The following MAP4K4 variants were observed in gnomAD, a reference collection of about 807,000 sequenced individuals.
MAP4K4 encodes the protein HPK/GCK-like kinase HGK.
Under a neutral mutation model 189.6 loss-of-function variants are expected in MAP4K4, and 38 were observed. The observed-to-expected ratio is 0.20, with a 90% CI of 0.15 to 0.26. The LOEUF (loss-of-function observed/expected upper bound fraction) is 0.26, where lower values mean the gene tolerates loss of function less well. MAP4K4 is among the 10% of genes least tolerant of loss of function. The probability of loss-of-function intolerance (pLI) is 1.00; values close to 1 mark genes in which losing one functional copy is unlikely to be tolerated. For missense variants in MAP4K4, 1,054 were observed against 1,726.9 expected, an observed-to-expected ratio of 0.61 and a Z score of 6.91; for synonymous variants, 610 against 624.3, an observed-to-expected ratio of 0.98 and a Z score of 0.34.
At chr2:101,756,268 A>G (rs2072734503) in intron 2 of MAP4K4, among the ~76,000 whole-genome samples, 1 of 152,060 alleles carries the variant, frequency 6.6e-6, no homozygotes, top group Non-Finnish European at 1.5e-5. Context: ...TAATGAAGTC[A>G]TAGGATCCAA....
chr2:101,725,275 G>A (rs924057863), intron 2 of MAP4K4, among the ~76,000 whole-genome samples: 1 of 151,956 alleles, frequency 6.6e-6, no homozygotes, highest in African/African-American at 2.4e-5. Context: ...AGATGAAATA[G>A]ATGTAGCCAT....
At chr2:101,823,864 T>TG in intron 3 of MAP4K4, 64 bp from the exon 4 acceptor site, 1 of 1,373,648 alleles carries the variant, frequency 7.3e-7, no homozygotes, top group Admixed American at 2.1e-5. Flanking sequence ...GTATGTAGTG[T>TG]GGGGGAAGTA....
chr2:101,758,821 T>C (rs533031427), intron 2 of MAP4K4, among the ~76,000 whole-genome samples: 156 of 152,298 alleles, frequency 1.0e-3, no homozygotes, highest in Non-Finnish European at 1.6e-3. Flanking sequence ...TGATCTCTTA[T>C]GGATGTTCGC....
At position 101,844,155 on chromosome 2, in the gene MAP4K4, G is replaced by A. The variant is rs777009164; in HGVS notation, c.1077G>A (p.Leu359=). 8 of 1,612,760 alleles carry A rather than the reference G, an allele frequency of 5.0e-6. No homozygotes were observed. In the East Asian group the frequency reaches 1.8e-4, roughly 36 times the overall value. ...CTCTTCGCCGAGATTTCCTGAGACT[G>A]CAGCAGGAGAACAAGGAACGTTCCG... The change falls in exon 12 of 33, where the codon CTG becomes CTA. Residue 359 remains leucine, a synonymous_variant. Coordinates refer to ENST00000324219, the Ensembl canonical transcript of MAP4K4.
rs201341489 is a variant in MAP4K4, at chr2:101,747,696, C to G, written c.124-43024C>G. 2.0e-5 allele frequency among the ~76,000 whole-genome samples: 3 copies of G among 152,256 alleles called. No individual in the cohort carries two copies. The East Asian group carries it at 5.8e-4, about 29-fold the overall frequency. On this transcript the variant is annotated intron_variant, in intron 2 of 32. Coordinates refer to ENST00000324219, the Ensembl canonical transcript of MAP4K4. The stretch of plus-strand genomic sequence containing the variant: ...CTTCCAAGGTTTTTTTCCCTGCCCC[C>G]CCTTCTTAGCTTTGGATAGAGATTA...
chr2:101,727,193 A>G (rs940046165), intron 2 of MAP4K4, among the ~76,000 whole-genome samples: 4 of 152,178 alleles, frequency 2.6e-5, no homozygotes, highest in African/African-American at 4.8e-5. Flanking sequence ...ACACCCTCTC[A>G]TAGCTTTCTG....
chr2:101,843,600 A>G (rs1279800036), intron 11 of MAP4K4, among the ~76,000 whole-genome samples: 2 of 152,098 alleles, frequency 1.3e-5, no homozygotes, highest in Non-Finnish European at 1.5e-5. Flanking sequence ...GGTGTGTTTA[A>G]TTGATCTGTG....
At chr2:101,707,992 C>T (rs1041645602) in intron 2 of MAP4K4, among the ~76,000 whole-genome samples, 5 of 151,592 alleles carry the variant, frequency 3.3e-5, no homozygotes, top group African/African-American at 7.3e-5. Context: ...TGAGCCATCG[C>T]GCCCAGCCCA....
chr2:101,842,646 A>G, exon 11 of MAP4K4: 3 of 1,608,902 alleles, frequency 1.9e-6, no homozygotes, highest in Non-Finnish European at 2.5e-6. Context: ...GTGAGGAAGA[A>G]GAGGAGGAAG....
chr2:101,791,860 G>A (rs144161679), intron 3 of MAP4K4, among the ~76,000 whole-genome samples: 1 of 152,228 alleles, frequency 6.6e-6, no homozygotes, highest in East Asian at 1.9e-4. Context: ...ATTTTATGAG[G>A]TGACCACTCT....
chr2:101,709,455 G>A (rs2044197530), intron 2 of MAP4K4, among the ~76,000 whole-genome samples: 1 of 152,122 alleles, frequency 6.6e-6, no homozygotes, highest in Non-Finnish European at 1.5e-5. Context: ...TGCCCGCCTC[G>A]GCCTCCCAAA....
intron 2 of MAP4K4, among the ~76,000 whole-genome samples, chr2:101,732,862 C>T (rs1208856301): frequency 1.3e-5 from 2 of 152,272 alleles, no homozygotes; most frequent in African/African-American, 4.8e-5. Flanking sequence ...GTTGGGATTA[C>T]AGGCGTGAGC....
intron 2 of MAP4K4, among the ~76,000 whole-genome samples, chr2:101,717,510 G>A (rs972150473): frequency 6.6e-6 from 1 of 152,256 alleles, no homozygotes; most frequent in East Asian, 1.9e-4. Flanking sequence ...TTTGTGTCGG[G>A]AAAAGAACAA....
chr2:101,698,200 C>T, intron 1 of MAP4K4, 63 bp downstream of exon 1: 1 of 564,194 alleles, frequency 1.8e-6, no homozygotes. Flanking sequence ...GCCGGGGCCG[C>T]GCCCAGGTCG....
chr2:101,860,854 C>T (rs1359623991), exon 16 of MAP4K4: 5 of 1,608,960 alleles, frequency 3.1e-6, no homozygotes, highest in Non-Finnish European at 4.2e-6. Flanking sequence ...AAACTAACCA[C>T]AGCTCCCCTG....
chr2:101,739,594 G>C (rs567370448), intron 2 of MAP4K4, among the ~76,000 whole-genome samples: 1 of 152,096 alleles, frequency 6.6e-6, no homozygotes, highest in Non-Finnish European at 1.5e-5. Context: ...GGGCTTATTG[G>C]ATATATTTAC....
chr2:101,846,417 T>G (rs969718247), intron 12 of MAP4K4, among the ~76,000 whole-genome samples: 1 of 152,280 alleles, frequency 6.6e-6, no homozygotes, highest in African/African-American at 2.4e-5. Context: ...ACTTTGGTGG[T>G]TTATAACTTG....
intron 9 of MAP4K4, among the ~76,000 whole-genome samples, chr2:101,837,587 G>T (rs370722656): frequency 6.6e-6 from 1 of 152,044 alleles, no homozygotes; most frequent in African/African-American, 2.4e-5. Context: ...GGGTGGCCAC[G>T]CCTAGGGAAA....
intron 2 of MAP4K4, among the ~76,000 whole-genome samples, chr2:101,721,231 T>G (rs1281467509): frequency 6.6e-6 from 1 of 152,124 alleles, no homozygotes; most frequent in Non-Finnish European, 1.5e-5. Context: ...AGATAATCCC[T>G]TAAGGCAGAC....
Sources: allele counts gnomAD v4.1 joint callset (sites outside exome capture counted in the v4.1 genomes callset), GRCh38; gene constraint gnomAD v4.1.1; transcripts MANE v1.5; gene names NCBI Gene and HGNC (gene_info 2026-07-23, HGNC 2026-07-21).